ABR: variants seen among roughly 807,000 people sequenced by gnomAD.
The protein encoded by ABR is ABR activator of RhoGEF and GTPase.
Under a neutral mutation model 107.2 loss-of-function variants are expected in ABR, and 35 were observed. The ratio of observed to expected loss-of-function variants is 0.33; its 90% CI spans 0.25 to 0.43. ABR has a LOEUF of 0.43. ABR is among the 20% of genes least tolerant of loss of function. ABR has a pLI of 1.00. For synonymous variants in ABR, 498 were observed against 462.0 expected (o/e 1.08, Z -1.00); for missense variants, 815 against 1,115.2 (o/e 0.73, Z 3.83).
chr17:1,219,858 G>A (rs1009832004), intron 1 of ABR, among the ~76,000 whole-genome samples: 3 of 151,532 alleles, frequency 2.0e-5, no homozygotes, highest in African/African-American at 7.3e-5. Flanking sequence ...CAGAGCCTCA[G>A]TCTCCCCATC....
intron 16 of ABR, among the ~76,000 whole-genome samples, chr17:1,046,525 T>C (rs566929536): frequency 6.6e-6 from 1 of 152,210 alleles, no homozygotes; most frequent in Non-Finnish European, 1.5e-5. Flanking sequence ...CACCTCGGCC[T>C]CCTGCTCTTT....
At position 1,011,026 on chromosome 17, in the gene ABR, T is replaced by C. The variant is rs1342102780; in HGVS notation, c.2102-163A>G. 2.2e-6 allele frequency: 2 copies of C among 895,488 alleles called. No individual in the cohort carries two copies. The highest frequency in any genetic ancestry group is 3.4e-6 in the Non-Finnish European group (2 of 593,462). 55.5% of individuals were successfully genotyped at this position (895,488 alleles called of 1,614,324 possible). On this transcript the variant is annotated intron_variant, in intron 19 of 22. Transcript: ENST00000302538. This position sits in a 1 kb window ranked among gnomAD's most constrained non-coding sequence, Gnocchi z 4.8. ...CCCACAGGTGTCTGTGACTCGGCTC[T>C]GTGGGTCGGGGTTGGGGGAACAGGG...
upstream of ABR, among the ~76,000 whole-genome samples, chr17:1,191,535 T>C (rs551715242): frequency 1.3e-5 from 2 of 152,028 alleles, no homozygotes; most frequent in Non-Finnish European, 2.9e-5. Context: ...TTTGTATTTT[T>C]AGTAGAAACG....
chr17:1,100,424 T>G (rs1221828264), intron 3 of ABR, among the ~76,000 whole-genome samples: 1 of 152,188 alleles, frequency 6.6e-6, no homozygotes, highest in Non-Finnish European at 1.5e-5. Flanking sequence ...TCTCCTGCCT[T>G]TTGAGAGCTG....
chr17:1,018,871 G>A lies in ABR; in HGVS notation c.1792-5707C>T, dbSNP rs1406759249. ...ATATGCGGTTTAAGCTCTCATAGCC[G>A]CTCCCATCTCACAGATGAGGATGCT... On this transcript the variant is annotated intron_variant, in intron 16 of 22. Coordinates refer to ENST00000302538, the MANE Select transcript of ABR (RefSeq NM_021962.5). Among the ~76,000 whole-genome samples, 11 of 152,160 alleles carry A rather than the reference G, an allele frequency of 7.2e-5. No homozygotes were observed. The South Asian group carries it at 1.0e-3, about 14-fold the overall frequency.
chr17:1,060,475 G>A (rs906474018), intron 10 of ABR, among the ~76,000 whole-genome samples: 2 of 152,142 alleles, frequency 1.3e-5, no homozygotes, highest in African/African-American at 4.8e-5. Context: ...GTAAAATGCT[G>A]AAGTTGCAAA....
chr17:1,103,877 AT>A (rs1285577173), intron 2 of ABR, among the ~76,000 whole-genome samples: 1 of 152,170 alleles, frequency 6.6e-6, no homozygotes, highest in Non-Finnish European at 1.5e-5. Context: ...TCCATCTCCC[AT>A]CTTTTCCAGC....
At chr17:1,132,850 G>A (rs1042958762) in intron 1 of ABR, among the ~76,000 whole-genome samples, 2 of 152,190 alleles carry the variant, frequency 1.3e-5, no homozygotes, top group Non-Finnish European at 2.9e-5. Flanking sequence ...AGTTTTCACT[G>A]TTCGTGTCAA....
At chr17:1,014,170 G>A (rs536599688) in intron 16 of ABR, among the ~76,000 whole-genome samples, 20 of 152,344 alleles carry the variant, frequency 1.3e-4, no homozygotes, top group African/African-American at 4.6e-4. Context: ...GGCCAGGCGT[G>A]GCGGCTCACG....
chr17:1,186,594 G>A (rs1297254338), intron 1 of ABR, among the ~76,000 whole-genome samples: 1 of 152,218 alleles, frequency 6.6e-6, no homozygotes, highest in African/African-American at 2.4e-5. Flanking sequence ...CACAGCAAGG[G>A]CAGCATCCTG....
At chr17:1,174,564 CTA>C (rs1369886253) in intron 1 of ABR, among the ~76,000 whole-genome samples, 16 of 152,308 alleles carry the variant, frequency 1.1e-4, no homozygotes, top group Admixed American at 3.3e-4. Context: ...GGCACTGAAT[CTA>C]TAAAGGGCAT....
intron 2 of ABR, among the ~76,000 whole-genome samples, chr17:1,107,367 C>G (rs2038324458): frequency 6.6e-6 from 1 of 152,236 alleles, no homozygotes; most frequent in African/African-American, 2.4e-5. Flanking sequence ...GCACCAGCCC[C>G]ACACCAAGCA....
At chr17:1,074,256 A>C (rs902368762) in intron 6 of ABR, among the ~76,000 whole-genome samples, 16 of 150,810 alleles carry the variant, frequency 1.1e-4, no homozygotes, top group Non-Finnish European at 2.2e-4. Context: ...CGTAGAGTCC[A>C]GCACACCTGC....
chr17:1,151,623 C>A (rs1255990755), intron 1 of ABR, among the ~76,000 whole-genome samples: 1 of 152,240 alleles, frequency 6.6e-6, no homozygotes, highest in Non-Finnish European at 1.5e-5. Flanking sequence ...CTTCACAGGA[C>A]ATCCTGAGAA....
chr17:1,132,686 CT>C (rs1340605072), intron 1 of ABR, among the ~76,000 whole-genome samples: 8 of 152,136 alleles, frequency 5.3e-5, no homozygotes, highest in Middle Eastern at 3.4e-3. Context: ...CAATAAAGCA[CT>C]TTTACAAGCC....
At position 1,194,880 on chromosome 17, in the gene ABR, TG is replaced by T. The variant is rs1221931284; in HGVS notation, c.838+33912del. On this transcript the variant is annotated intron_variant, in intron 1 of 22. Coordinates refer to the ABR transcript ENST00000574139. ...GTTGGCCAGACTGGTCTCGAACTCCTGACTCAGGTGATTCACCCACCTCGGC... is the reference window on the plus strand; with the variant it reads ...GTTGGCCAGACTGGTCTCGAACTCCTACTCAGGTGATTCACCCACCTCGGC... Among the ~76,000 whole-genome samples the T allele has an allele frequency of 2.1e-5, 2 of 94,562 alleles. 1 individual carries two copies. The highest frequency in any genetic ancestry group is 4.6e-5 in the Non-Finnish European group (2 of 43,418). The allele number at this position is 94,562 out of a possible 152,430, so 62.0% of individuals were successfully genotyped here. A position where few individuals can be genotyped will look rare whatever the true frequency, so the allele number is the denominator to read the frequency against.
chr17:1,158,220 G>T (rs973710976), intron 1 of ABR, among the ~76,000 whole-genome samples: 2 of 151,844 alleles, frequency 1.3e-5, no homozygotes, highest in African/African-American at 4.8e-5. Context: ...TGCTTACAAT[G>T]TAATTCTTCT....
Position 1,072,692 on chromosome 17 carries a change from G to A in ABR, c.816C>T (p.Arg272=), listed in dbSNP as rs1365616873. Residue 272 remains arginine, a synonymous_variant, in exon 8 of 23, where the codon CGC becomes CGT. Coordinates refer to ENST00000302538, the MANE Select transcript of ABR (RefSeq NM_021962.5). The part of the protein sequence containing the change: ...PDYPLLQDAL[R]ISQNFLSSIN... ...TGCTGGACAGGAAGTTCTGGGAGAT[G>A]CGGAGGGCATCCTGCAGCAGCGGGT... The A allele has an allele frequency of 1.2e-6, 2 of 1,613,780 alleles. No individual in the cohort carries two copies. Among genetic ancestry groups the A allele is most frequent in the Admixed American group, 1.7e-5 (1 of 59,952 alleles).
In ABR at chr17:1,091,543, CG is replaced by C. The variant is rs1186528542; in HGVS notation, c.531+121del. 7 of 1,154,716 alleles carry C rather than the reference CG, an allele frequency of 6.1e-6. No individual in the cohort carries two copies. The Admixed American group carries it at 7.8e-5, about 13-fold the overall frequency. The allele number at this position is 1,154,716 out of a possible 1,614,324, so 71.5% of individuals were successfully genotyped here. A position where few individuals can be genotyped will look rare whatever the true frequency, so the allele number is the denominator to read the frequency against. ...CAGGCCCAGGCCTTCCTCCCGGACT[CG>C]GAGAGGTCTCAGGCCTTCAAGGAGT... is the stretch of plus-strand genomic sequence containing the variant. On this transcript the variant is annotated intron_variant, in intron 4 of 22. Transcript: ENST00000302538.
Sources: gnomAD v4.1 joint callset for allele counts (sites outside exome capture counted in the v4.1 genomes callset) on GRCh38, gnomAD v4.1.1 for gene constraint, Gnocchi (gnomAD v3.1) non-coding constraint, MANE v1.5 for transcripts, NCBI Gene and HGNC (gene_info 2026-07-23, HGNC 2026-07-21) for gene names.